The following PCDHA1 variants were observed in gnomAD, a reference collection of about 807,000 sequenced individuals.
PCDHA1 encodes the protein protocadherin alpha 1.
In PCDHA1, 42 loss-of-function variants were observed where a neutral mutation model predicts 61.3. That is an observed-to-expected ratio of 0.69 (90% confidence interval 0.54 to 0.89). The LOEUF (loss-of-function observed/expected upper bound fraction) is 0.89, where lower values mean the gene tolerates loss of function less well. Ranked by LOEUF, PCDHA1 falls within the 40% of genes least tolerant of loss-of-function variation. PCDHA1 has a pLI of 0.00. For synonymous variants in PCDHA1, 610 were observed against 553.8 expected (o/e 1.10, Z -1.43); for missense variants, 1,256 against 1,235.3 (o/e 1.02, Z -0.25).
At chr5:140,806,712 C>T (rs1763772246) in intron 1 of PCDHA1, among the ~76,000 whole-genome samples, 2 of 152,152 alleles carry the variant, frequency 1.3e-5, no homozygotes, top group Non-Finnish European at 2.9e-5. Flanking sequence ...ATGAATTTTT[C>T]TAATCAACAG....
Position 140,856,651 on chromosome 5 carries a change from T to C in PCDHA1, c.2394+67967T>C, listed in dbSNP as rs1284108605. 10 of 1,598,112 alleles carry C rather than the reference T, an allele frequency of 6.3e-6. 1 individual carries two copies. The highest frequency in any genetic ancestry group is 6.9e-6 in the Non-Finnish European group (8 of 1,167,692). ...TTGTTCTGCGGAAGCTGCTGGATCG[T>C]GAAGAAAATCCTCAGCTAAAGTTGT... is the stretch of plus-strand genomic sequence containing the variant. On this transcript the variant is annotated intron_variant, in intron 1 of 3. Coordinates refer to ENST00000504120, the MANE Select transcript of PCDHA1 (RefSeq NM_018900.4).
At position 140,969,018 on chromosome 5, in the gene PCDHA1, G is replaced by A. The variant is rs143196630; in HGVS notation, c.2395-9931G>A. On this transcript the variant is annotated intron_variant, in intron 1 of 3. Transcript: ENST00000504120. ...GGAGGCTTCTGTGGAGTAAGGGAAA[G>A]GTCCCCTGCAGAACTGTACAAACAA... 33 of 1,614,058 alleles carry A rather than the reference G, an allele frequency of 2.0e-5. 1 individual carries two copies. In the Middle Eastern group the frequency reaches 4.9e-4, roughly 24 times the overall value.
chr5:140,836,791 G>T (rs780841391), intron 1 of PCDHA1: 4 of 1,417,390 alleles, frequency 2.8e-6, no homozygotes, highest in Non-Finnish European at 2.9e-6. Context: ...TAGTTCAATT[G>T]GTCTCCTTAA....
intron 1 of PCDHA1, among the ~76,000 whole-genome samples, chr5:140,791,070 A>T (rs10072015): frequency 0.52 from 78,413 of 151,994 alleles, 20,426 homozygotes; most frequent in Middle Eastern, 0.64. Context: ...ACAAGATTTC[A>T]TCCACAAACT....
rs2150360894 is a variant in PCDHA1, at chr5:140,843,474, A to G, written c.2394+54790A>G. 2.5e-6 allele frequency: 4 copies of G among 1,595,796 alleles called. No homozygotes were observed. The East Asian group carries it at 6.7e-5, about 27-fold the overall frequency. ...CTGCTGGTGCTCACGCTGCTGCTGTACACTGCGCTGCGGTGCTCAGCACTG... is the reference window on the plus strand; with the variant it reads ...CTGCTGGTGCTCACGCTGCTGCTGTGCACTGCGCTGCGGTGCTCAGCACTG... On this transcript the variant is annotated intron_variant, in intron 1 of 3. Transcript: ENST00000504120.
intron 1 of PCDHA1, among the ~76,000 whole-genome samples, chr5:140,943,906 C>T (rs963288804): frequency 2.0e-5 from 3 of 152,156 alleles, no homozygotes; most frequent in African/African-American, 7.2e-5. Context: ...ATGTCATGAG[C>T]ACTTTAGCAT....
chr5:140,868,930 G>T, intron 1 of PCDHA1: 8 of 1,085,624 alleles, frequency 7.4e-6, no homozygotes, highest in Non-Finnish European at 1.0e-5. Context: ...TTCATTTAAA[G>T]GTTGGTCTGA....
intron 1 of PCDHA1, chr5:140,827,885 TTTC>T (rs1178220618): frequency 1.5e-6 from 1 of 684,818 alleles, no homozygotes; most frequent in Non-Finnish European, 2.5e-6. Context: ...CGTGAATTGA[TTTC>T]TTACCTTTTG....
Position 140,877,183 on chromosome 5 carries a change from G to A in PCDHA1, c.2394+88499G>A, listed in dbSNP as rs201399892. 787 of 1,613,846 alleles carry A rather than the reference G, an allele frequency of 4.9e-4. 5 individuals are homozygous for A. The African/African-American group carries it at 9.2e-3, about 19-fold the overall frequency. ...GCCGGCACTGCTGGCGACTCCGGCT[G>A]GCAGCGCAGGAGGCGCAGTTAGCGA... On this transcript the variant is annotated intron_variant, in intron 1 of 3. Transcript: ENST00000504120.
chr5:140,824,068 A>G (rs2150131929), intron 1 of PCDHA1: 12 of 1,614,024 alleles, frequency 7.4e-6, no homozygotes, highest in Non-Finnish European at 1.0e-5. Context: ...AGCTCCACCC[A>G]AAACAGACCT....
intron 1 of PCDHA1, chr5:140,884,752 A>G (rs954313403): frequency 1.1e-5 from 16 of 1,429,736 alleles, no homozygotes; most frequent in East Asian, 2.5e-5. Context: ...CCAATTTCAA[A>G]TTATTCTTTA....
In PCDHA1 at chr5:140,856,797, T is replaced by C. The variant is rs116416365; in HGVS notation, c.2394+68113T>C. The C allele has an allele frequency of 1.0e-3, 1,647 of 1,595,690 alleles. 103 individuals carry two copies. The African/African-American group carries it at 0.02, about 19-fold the overall frequency. On this transcript the variant is annotated intron_variant, in intron 1 of 3. Transcript: ENST00000504120. ...GACAGACCGGTTTATGAAGTTAAGA[T>C]GTATGAAAATCAAGTGAACCAAACA... is the stretch of plus-strand genomic sequence containing the variant.
intron 1 of PCDHA1, among the ~76,000 whole-genome samples, chr5:140,911,380 T>C (rs1365945638): frequency 4.6e-5 from 7 of 152,212 alleles, no homozygotes; most frequent in African/African-American, 1.7e-4. Flanking sequence ...AGGCTGTGCA[T>C]GCACCTTTCA....
intron 3 of PCDHA1, among the ~76,000 whole-genome samples, chr5:140,989,272 T>C (rs1554250681): frequency 6.6e-6 from 1 of 152,204 alleles, no homozygotes. Flanking sequence ...AAGTTTCTGC[T>C]GGGGACATCT....
intron 1 of PCDHA1, chr5:140,814,266 G>A (rs1765473432): frequency 6.6e-6 from 1 of 151,020 alleles, no homozygotes; most frequent in African/African-American, 2.4e-5. Context: ...ACCCATACTA[G>A]CCTAGGACTG....
intron 1 of PCDHA1, chr5:140,802,625 G>C: frequency 6.2e-7 from 1 of 1,613,960 alleles, no homozygotes; most frequent in Non-Finnish European, 8.5e-7. Flanking sequence ...ACATCTTCAC[G>C]GTGTCTGCGC....
intron 1 of PCDHA1, chr5:140,967,465 C>T: frequency 1.2e-6 from 2 of 1,613,512 alleles, no homozygotes; most frequent in Non-Finnish European, 1.7e-6. Flanking sequence ...TGGATGGGGG[C>T]ATCCCAGCCC....
At chr5:140,795,828 T>G in intron 1 of PCDHA1, 9 of 1,613,838 alleles carry the variant, frequency 5.6e-6, no homozygotes, top group Non-Finnish European at 7.6e-6. Context: ...TGTCCTCCAC[T>G]ATACAGACTA....
At chr5:140,878,352 A>T (rs2057558583) in intron 1 of PCDHA1, among the ~76,000 whole-genome samples, 1 of 152,242 alleles carries the variant, frequency 6.6e-6, no homozygotes, top group African/African-American at 2.4e-5. Flanking sequence ...CAATAATATA[A>T]ATGATATGTC....
Sources: allele counts gnomAD v4.1 joint callset (sites outside exome capture counted in the v4.1 genomes callset), GRCh38; gene constraint gnomAD v4.1.1; transcripts MANE v1.5; gene names NCBI Gene and HGNC (gene_info 2026-07-23, HGNC 2026-07-21).